The following HRNR variants were observed in gnomAD, a reference collection of about 807,000 sequenced individuals.
HRNR encodes the protein hornerin.
Under a neutral mutation model 4.8 loss-of-function variants are expected in HRNR, and 7 were observed. The ratio of observed to expected loss-of-function variants is 1.47; its 90% CI spans 0.83 to 2.75. HRNR has a LOEUF of 2.75. Among genes scored for constraint, HRNR ranks in the 30% most tolerant of loss-of-function variants. The pLI, the probability that HRNR is intolerant of heterozygous loss-of-function variation, is 0.00. For synonymous variants in HRNR, 1,023 were observed against 1,242.7 expected, an observed-to-expected ratio of 0.82 and a Z score of 3.72; for missense variants, 2,879 against 3,010.4, an observed-to-expected ratio of 0.96 and a Z score of 1.02.
intron 2 of HRNR, among the ~76,000 whole-genome samples, chr1:152,221,943 C>A (rs373526588): frequency 3.3e-5 from 5 of 152,080 alleles, no homozygotes; most frequent in South Asian, 4.2e-4. Flanking sequence ...AAGTTTGCTT[C>A]CTGAAAAAAA....
In HRNR at chr1:152,220,402, G is replaced by T. The variant is rs1022476504; in HGVS notation, c.1227C>A (p.His409Gln). The stretch of plus-strand genomic sequence containing the variant: ...AGCTGTGTTGGCCGCGGCCTGAAGA[G>T]TGACGGGAGGCAGACTCATGCTGAC... Reference protein sequence around the residue: ...SYGQHESASRHSSGRGQHSSG... With the variant: ...SYGQHESASRQSSGRGQHSSG... The change falls in exon 3 of 3, where the codon CAC (histidine) becomes CAA (glutamine). Residue 409 changes from histidine (H) to glutamine (Q), a missense_variant. Physicochemically the swap from His to Gln is conservative, Grantham distance 24. Transcript: ENST00000368801. 4 of 1,613,306 alleles carry T rather than the reference G, an allele frequency of 2.5e-6. No individual in the cohort carries two copies. In the African/African-American group the frequency reaches 4.0e-5, roughly 16 times the overall value.
Position 152,219,133 on chromosome 1 carries a change from A to T in HRNR, c.2496T>A (p.Gly832=), listed in dbSNP as rs898328431. 2.5e-6 allele frequency: 4 copies of T among 1,613,682 alleles called. No individual in the cohort carries two copies. The highest frequency in any genetic ancestry group is 3.4e-6 in the Non-Finnish European group (4 of 1,179,992). ...GGCTAGAGAAGTGACCTGAGGCAGA[A>T]CCATGCTGACTATAGCCCTGTCCTG... is the stretch of plus-strand genomic sequence containing the variant. ...SGSGQGYSQH[G]SASGHFSSQG... Residue 832 remains glycine, a synonymous_variant, in exon 3 of 3, where the codon GGT becomes GGA. Transcript: ENST00000368801.
Position 152,218,450 on chromosome 1 carries a change from G to T in HRNR, c.3179C>A (p.Ser1060Tyr). The T allele has an allele frequency of 6.2e-7, 1 of 1,613,776 alleles. No homozygotes were observed. The highest frequency in any genetic ancestry group is 8.5e-7 in the Non-Finnish European group (1 of 1,180,010). ...AGATCCATGTTGACCGTAGCCAGAG[G>T]ACTGTCCTGAGCGAGACTCTCGGTG... The part of the protein sequence containing the change: ...LGHRESRSGQ[S>Y]SGYGQHGSSS... Residue 1060 changes from serine (S) to tyrosine (Y), a missense_variant, in exon 3 of 3, where the codon TCC becomes TAC. By Grantham distance (144) the Ser-to-Tyr change is moderately radical. Transcript: ENST00000368801.
chr1:152,219,193 G>C lies in HRNR; in HGVS notation c.2436C>G (p.Gly812=). ...SSCGHYESGS[G]QASGFGQHES... is the part of the protein sequence containing the mutation. ...CGTGTTGCCCAAAACCAGAAGCCTG[G>C]CCTGAGCCAGACTCATAATGGCCAC... Residue 812 remains glycine, a synonymous_variant, in exon 3 of 3, where the codon GGC becomes GGG. Coordinates refer to ENST00000368801, the MANE Select transcript of HRNR (RefSeq NM_001009931.3). 6.2e-7 allele frequency: 1 copy of C among 1,613,808 alleles called. No individual in the cohort carries two copies. Among genetic ancestry groups the C allele is most frequent in the Non-Finnish European group, 8.5e-7 (1 of 1,179,974 alleles).
Position 152,219,583 on chromosome 1 carries a change from G to A in HRNR, c.2046C>T (p.Ser682=), listed in dbSNP as rs757887930. 3.3e-5 allele frequency: 53 copies of A among 1,607,562 alleles called. No individual in the cohort carries two copies. The highest frequency in any genetic ancestry group is 4.4e-5 in the South Asian group (4 of 90,598). ...SSSYGQHGSG[S]GWSSSNGPHG... Reference sequence around the variant, plus strand: ...GTGGGCCATTGCTTGAAGACCAACCGGAGCCAGACCCATGTTGGCCGTAGC... The same window carrying A: ...GTGGGCCATTGCTTGAAGACCAACCAGAGCCAGACCCATGTTGGCCGTAGC... Residue 682 remains serine, a synonymous_variant, in exon 3 of 3, where the codon TCC becomes TCT. Transcript: ENST00000368801.
rs752673218 is a variant in HRNR, at chr1:152,213,202, C to A, written c.8427G>T (p.Gly2809=). 1.1e-5 allele frequency: 17 copies of A among 1,614,154 alleles called. No homozygotes were observed. In the Admixed American group the frequency reaches 2.5e-4, roughly 24 times the overall value. The change falls in exon 3 of 3, where the codon GGG becomes GGT. Residue 2809 remains glycine, a synonymous_variant. Transcript: ENST00000368801. ...SQHGSGSGQD[G]YSYCKGGSNH... is the part of the protein sequence containing the mutation. Reference sequence around the variant, plus strand: ...TACTTCCTCCTTTGCAATAAGAATACCCATCTTGCCCTGAGCCACTTCCAT... The same window carrying A: ...TACTTCCTCCTTTGCAATAAGAATAACCATCTTGCCCTGAGCCACTTCCAT...
In HRNR at chr1:152,220,651, C is replaced by G. The variant is rs1648943094; in HGVS notation, c.978G>C (p.Gly326=). The G allele has an allele frequency of 6.2e-6, 10 of 1,611,848 alleles. No individual in the cohort carries two copies. The highest frequency in any genetic ancestry group is 2.2e-5 in the South Asian group (2 of 90,894). Residue 326 remains glycine (G), a synonymous_variant, in exon 3 of 3, where the codon GGG becomes GGC. Coordinates refer to ENST00000368801, the MANE Select transcript of HRNR (RefSeq NM_001009931.3). ...SGHSSSHGQH[G]SGSSYSYSRG... ...GGCTGTAAGAGTAACTTGAGCCAGA[C>G]CCGTGTTGGCCGTGGCTGGAGGAGT...
At position 152,213,435 on chromosome 1, in the gene HRNR, T is replaced by G. The variant is rs758016523; in HGVS notation, c.8194A>C (p.Thr2732Pro). The stretch of plus-strand genomic sequence containing the variant: ...GTGCTAGATCCCTCCTGGTCAAAGG[T>G]TGATGACTGTCCTGATGTAGAACCA... ...QHGSTSGQSS[T>P]FDQEGSSTGQ... Residue 2732 changes from threonine (T) to proline (P), a missense_variant, in exon 3 of 3, where the codon ACC becomes CCC. By Grantham distance (38) the Thr-to-Pro change is conservative. Transcript: ENST00000368801. 1 of 1,256,350 alleles carries G rather than the reference T, an allele frequency of 8.0e-7. No individual in the cohort carries two copies. The highest frequency in any genetic ancestry group is 2.0e-5 in the Admixed American group (1 of 50,830). The allele number at this position is 1,256,350 out of a possible 1,614,324, so 77.8% of individuals were successfully genotyped here.
chr1:152,221,328 G>A lies in HRNR; in HGVS notation c.301C>T (p.Leu101=), dbSNP rs776260452. Residue 101 remains leucine (L), a synonymous_variant, in exon 3 of 3, where the codon CTG becomes TTG. Coordinates refer to ENST00000368801, the MANE Select transcript of HRNR (RefSeq NM_001009931.3). ...TGGTGCTGGTGAGTGTCATCTCTCA[G>A]CTTTGACCCTGAAACTTGGCAGTAA... The part of the protein sequence containing the change: ...KDYCQVSGSK[L]RDDTHQHQEE... 1.4e-5 allele frequency: 22 copies of A among 1,613,800 alleles called. No homozygotes were observed. The highest frequency in any genetic ancestry group is 1.7e-5 in the Non-Finnish European group (20 of 1,180,026).
intron 2 of HRNR, 104 bp from the exon 3 acceptor site, chr1:152,221,594 A>T (rs1649005086): frequency 1.2e-6 from 1 of 862,186 alleles, no homozygotes; most frequent in South Asian, 1.7e-5. Flanking sequence ...TGGGTTATTT[A>T]TATGGAACTC....
chr1:152,218,612 G>T lies in HRNR; in HGVS notation c.3017C>A (p.Ser1006Tyr), dbSNP rs1369365364. The part of the protein sequence containing the change: ...HGQHGSGSGQ[S>Y]PSPSRGRHGS... ...ATGTCGGCCACGGCTAGGGCTAGGA[G>T]ACTGGCCAGATCCAGACCCATGTTG... Residue 1006 changes from serine to tyrosine, a missense_variant, in exon 3 of 3, where the codon TCT becomes TAT. By Grantham distance (144) the Ser-to-Tyr change is moderately radical (BLOSUM62 -2). Transcript: ENST00000368801. 1.9e-6 allele frequency: 3 copies of T among 1,612,448 alleles called. No individual in the cohort carries two copies. The highest frequency in any genetic ancestry group is 2.5e-6 in the Non-Finnish European group (3 of 1,179,674).
Position 152,221,221 on chromosome 1 carries a change from C to T in HRNR, c.408G>A (p.Glu136=), listed in dbSNP as rs777716509. The T allele has an allele frequency of 6.2e-7, 1 of 1,614,166 alleles. No individual in the cohort carries two copies. The highest frequency in any genetic ancestry group is 1.1e-5 in the South Asian group (1 of 91,080). The change falls in exon 3 of 3, where the codon GAG becomes GAA. Residue 136 remains glutamate, a synonymous_variant. Transcript: ENST00000368801. The part of the protein sequence containing the change: ...SFSHSSWSAG[E]NDSYSRNVRG... ...TGACGTTTCTGGAATAGGAATCATT[C>T]TCTCCTGCACTCCAACTTGAATGAC...
intron 2 of HRNR, among the ~76,000 whole-genome samples, chr1:152,222,357 T>G (rs1437375673): frequency 6.6e-6 from 1 of 152,176 alleles, no homozygotes. Flanking sequence ...AATTGGGAAC[T>G]ATTGAAGGAT....
Position 152,218,862 on chromosome 1 carries a change from C to G in HRNR, c.2767G>C (p.Gly923Arg). The G allele has an allele frequency of 6.2e-7, 1 of 1,613,774 alleles. No homozygotes were observed. The highest frequency in any genetic ancestry group is 1.3e-5 in the African/African-American group (1 of 74,926). ...CCAGAAGACTGGCCTGAGCCAGACC[C>G]ATGTCGGCCACTGCTGGAAGACCGA... ...SGRSSSSGRH[G>R]SGSGQSSGFG... The change falls in exon 3 of 3, where the codon GGG becomes CGG. Residue 923 changes from glycine (G) to arginine (R), a missense_variant. Around this residue, in one of 8 missense-constraint regions of HRNR, gnomAD observed 2,646 missense variants for 1,377.7 expected, o/e 1.92. Coordinates refer to ENST00000368801, the MANE Select transcript of HRNR (RefSeq NM_001009931.3).
Position 152,219,055 on chromosome 1 carries a change from G to A in HRNR, c.2574C>T (p.Asp858=), listed in dbSNP as rs762074164. The change falls in exon 3 of 3, where the codon GAC becomes GAT. Residue 858 remains aspartate, a synonymous_variant. Coordinates refer to ENST00000368801, the MANE Select transcript of HRNR (RefSeq NM_001009931.3). The part of the protein sequence containing the change: ...SGQSSSSGQH[D]SSSGQSSSYG... ...AGCTGGAAGATTGACCTGAGCTAGA[G>A]TCATGTTGGCCGGAGCTTGATGACT... is the stretch of plus-strand genomic sequence containing the variant. The A allele has an allele frequency of 1.9e-6, 3 of 1,612,336 alleles. No homozygotes were observed. The highest frequency in any genetic ancestry group is 4.5e-5 in the East Asian group (2 of 44,732).
At position 152,219,592 on chromosome 1, in the gene HRNR, C is replaced by T; in HGVS notation, c.2037G>A (p.Gly679=). The T allele has an allele frequency of 1.9e-6, 3 of 1,612,476 alleles. No homozygotes were observed. Among genetic ancestry groups the T allele is most frequent in the African/African-American group, 1.3e-5 (1 of 74,892 alleles). The change falls in exon 3 of 3, where the codon GGG becomes GGA. Residue 679 remains glycine, a synonymous_variant. Transcript: ENST00000368801. The part of the protein sequence containing the change: ...FGHSSSYGQH[G]SGSGWSSSNG... ...TGCTTGAAGACCAACCGGAGCCAGA[C>T]CCATGTTGGCCGTAGCTGGAAGAGT... is the stretch of plus-strand genomic sequence containing the variant.
rs1648977619 is a variant in HRNR, at chr1:152,221,063, G to A, written c.566C>T (p.Ser189Phe). ...AGACCCACATTGGCCGCGGCCTGAA[G>A]ACTGATGGGAGTCGGAGTTTTGCTC... ...YGEQNSDSHQ[S>F]SGRGQCGSGS... Residue 189 changes from serine to phenylalanine, a missense_variant, in exon 3 of 3, where the codon TCT becomes TTT. Physicochemically the swap from Ser to Phe is radical, Grantham distance 155. Around this residue, in one of 8 missense-constraint regions of HRNR, gnomAD observed 2,646 missense variants for 1,377.7 expected, o/e 1.92. Transcript: ENST00000368801. The A allele has an allele frequency of 6.2e-7, 1 of 1,613,290 alleles. No homozygotes were observed. Among genetic ancestry groups the A allele is most frequent in the Non-Finnish European group, 8.5e-7 (1 of 1,179,472 alleles).
chr1:152,218,892 A>C lies in HRNR; in HGVS notation c.2737T>G (p.Ser913Ala), dbSNP rs765872900. The change falls in exon 3 of 3, where the codon TCC (serine) becomes GCC (alanine). Residue 913 changes from serine to alanine, a missense_variant. Ser to Ala is a moderately conservative substitution (Grantham distance 99). Coordinates refer to ENST00000368801, the MANE Select transcript of HRNR (RefSeq NM_001009931.3). The part of the protein sequence containing the change: ...SPSYGRHGSG[S>A]GRSSSSGRHG... Reference sequence around the variant, plus strand: ...CGGCCACTGCTGGAAGACCGACCGGAGCCAGACCCATGTCGGCCATAGCTG... The same window carrying C: ...CGGCCACTGCTGGAAGACCGACCGGCGCCAGACCCATGTCGGCCATAGCTG... 5.8e-5 allele frequency: 94 copies of C among 1,613,114 alleles called. No homozygotes were observed. The highest frequency in any genetic ancestry group is 7.5e-5 in the Non-Finnish European group (89 of 1,179,784).
In HRNR at chr1:152,212,909, A is replaced by G; in HGVS notation, c.*167T>C. 1.1e-6 allele frequency: 1 copy of G among 923,552 alleles called. No homozygotes were observed. The highest frequency in any genetic ancestry group is 1.6e-6 in the Non-Finnish European group (1 of 630,494). 57.2% of individuals were successfully genotyped at this position (923,552 alleles called of 1,614,324 possible). A position where few individuals can be genotyped will look rare whatever the true frequency, so the allele number is the denominator to read the frequency against. Reference sequence around the variant, plus strand: ...AACAGTCTTTGGAAGGAACCCCATAACAAGATATATGCTACAGTTTTAGGC... The same window carrying G: ...AACAGTCTTTGGAAGGAACCCCATAGCAAGATATATGCTACAGTTTTAGGC... On this transcript the variant is annotated 3_prime_UTR_variant, in exon 3 of 3. Coordinates refer to ENST00000368801, the MANE Select transcript of HRNR (RefSeq NM_001009931.3).
Sources: allele counts gnomAD v4.1 joint callset (sites outside exome capture counted in the v4.1 genomes callset), GRCh38; gene constraint gnomAD v4.1.1; regional missense constraint gnomAD v4.1.1; transcripts MANE v1.5; gene names NCBI Gene and HGNC (gene_info 2026-07-23, HGNC 2026-07-21).